PLXNC1: variants seen among roughly 807,000 people sequenced by gnomAD.
PLXNC1 encodes the protein plexin-C1.
A neutral mutation model predicts 178.2 loss-of-function variants in PLXNC1; 75 were observed. The ratio of observed to expected loss-of-function variants is 0.42; its 90% confidence interval spans 0.35 to 0.51. PLXNC1 has a LOEUF of 0.51. Among genes scored for constraint, PLXNC1 ranks in the 20% least tolerant of loss-of-function variants. PLXNC1 has a pLI of 0.02. For missense variants in PLXNC1, 1,503 were observed against 1,984.4 expected (o/e 0.76, Z 4.61); for synonymous variants, 790 against 779.9 (o/e 1.01, Z -0.22).
intron 11 of PLXNC1, among the ~76,000 whole-genome samples, chr12:94,242,255 A>G (rs1179431744): frequency 6.9e-6 from 1 of 145,762 alleles, no homozygotes; most frequent in East Asian, 2.0e-4. Context: ...TCTTCTCTCT[A>G]TGTCTTCACG....
chr12:94,288,698 A>T (rs1479092931), intron 23 of PLXNC1, among the ~76,000 whole-genome samples: 1 of 152,168 alleles, frequency 6.6e-6, no homozygotes, highest in Non-Finnish European at 1.5e-5. Flanking sequence ...GAGAAACAAG[A>T]TTTTGTTTTC....
intron 20 of PLXNC1, chr12:94,262,882 G>A: frequency 6.1e-6 from 4 of 656,754 alleles, no homozygotes; most frequent in Non-Finnish European, 7.6e-6. Flanking sequence ...TCCCCTTAAG[G>A]GTCCTGTGAG....
chr12:94,224,951 T>A (rs1468551463), intron 7 of PLXNC1, among the ~76,000 whole-genome samples: 2 of 152,266 alleles, frequency 1.3e-5, no homozygotes, highest in East Asian at 3.9e-4. Context: ...TGGAATGGCT[T>A]CGGGAATTTG....
chr12:94,276,131 A>G (rs899600446), intron 21 of PLXNC1, among the ~76,000 whole-genome samples: 3 of 152,208 alleles, frequency 2.0e-5, no homozygotes, highest in African/African-American at 4.8e-5. Context: ...GTTAAAGACA[A>G]TAGTGCCTTT....
intron 11 of PLXNC1, among the ~76,000 whole-genome samples, chr12:94,243,019 T>A (rs146581085): frequency 1.5e-4 from 23 of 152,390 alleles, no homozygotes; most frequent in African/African-American, 5.5e-4. Flanking sequence ...TCACTGTGCC[T>A]TGAGCAAGAA....
chr12:94,182,694 C>A (rs1025175859), intron 3 of PLXNC1, among the ~76,000 whole-genome samples: 2 of 150,894 alleles, frequency 1.3e-5, no homozygotes, highest in African/African-American at 4.9e-5. Flanking sequence ...CACTGCACCC[C>A]AGCCTGGGCA....
intron 28 of PLXNC1, among the ~76,000 whole-genome samples, 154 bp downstream of exon 28, chr12:94,301,211 CTG>C (rs1322281371): frequency 6.6e-5 from 10 of 152,210 alleles, no homozygotes; most frequent in Admixed American, 2.0e-4. Flanking sequence ...TATTTAAAAT[CTG>C]TCTCATTATT....
intron 1 of PLXNC1, 99 bp from the exon 2 acceptor site, chr12:94,169,054 C>T: frequency 9.1e-7 from 1 of 1,096,642 alleles, no homozygotes; most frequent in South Asian, 1.6e-5. Context: ...GAAGTGAGAT[C>T]CTGCCTAGGA....
At chr12:94,262,381 C>G (rs1475059764) in intron 20 of PLXNC1, 1 of 569,958 alleles carries the variant, frequency 1.8e-6, no homozygotes, top group Non-Finnish European at 2.2e-6. Flanking sequence ...CCCTTTCCAG[C>G]TCTTTCTACT....
Position 94,260,887 on chromosome 12 carries a change from G to C in PLXNC1, c.3450+47G>C, listed in dbSNP as rs1255527375. On this transcript the variant is annotated intron_variant, in intron 20 of 30. Transcript: ENST00000258526. The surrounding 1 kb of genome is among the most constrained non-coding windows in gnomAD (Gnocchi z 4.4). ...AATGTCAGAGGTAAGACAATAGGCA[G>C]TTATTTTTAGCGGACTCTGATGCCT... 6.5e-7 allele frequency: 1 copy of C among 1,530,870 alleles called. No individual in the cohort carries two copies. Among genetic ancestry groups the C allele is most frequent in the South Asian group, 1.1e-5 (1 of 88,236 alleles). The allele number at this position is 1,530,870 out of a possible 1,614,324, so 94.8% of individuals were successfully genotyped here. A position where few individuals can be genotyped will look rare whatever the true frequency, so the allele number is the denominator to read the frequency against.
At position 94,301,066 on chromosome 12, in the gene PLXNC1, C is replaced by G. The variant is rs1345758399; in HGVS notation, c.4386+9C>G. Reference sequence around the variant, plus strand: ...AGCAGCAACTAGGGAAGGTAAGGCCCAGCTTGAGTATTTCTTGTATGCAGT... The same window carrying G: ...AGCAGCAACTAGGGAAGGTAAGGCCGAGCTTGAGTATTTCTTGTATGCAGT... On this transcript the variant is annotated intron_variant, in intron 28 of 30. Transcript: ENST00000258526. The G allele has an allele frequency of 6.2e-7, 1 of 1,612,806 alleles. No homozygotes were observed. Among genetic ancestry groups the G allele is most frequent in the African/African-American group, 1.3e-5 (1 of 74,840 alleles).
chr12:94,255,221 G>A lies in PLXNC1; in HGVS notation c.3012G>A (p.Leu1004=). The change falls in exon 17 of 31, where the codon TTG becomes TTA. Residue 1004 remains leucine (L), a synonymous_variant. Coordinates refer to ENST00000258526, the MANE Select transcript of PLXNC1 (RefSeq NM_005761.3). ...TTGCTGAGCTGCAGATGGATAAATT[G>A]GATGTGGTTGATAGTTTTGGAACTG... ...DGFAELQMDK[L]DVVDSFGTVP... The A allele has an allele frequency of 6.2e-7, 1 of 1,614,020 alleles. No homozygotes were observed. Among genetic ancestry groups the A allele is most frequent in the Admixed American group, 1.7e-5 (1 of 60,028 alleles).
chr12:94,171,302 C>T (rs1373508401), intron 2 of PLXNC1, among the ~76,000 whole-genome samples: 1 of 152,184 alleles, frequency 6.6e-6, no homozygotes, highest in African/African-American at 2.4e-5. Flanking sequence ...ATTCAGAAGC[C>T]ACCTGTGTGG....
chr12:94,198,111 G>C (rs1399369633), intron 4 of PLXNC1, among the ~76,000 whole-genome samples: 1 of 152,124 alleles, frequency 6.6e-6, no homozygotes, highest in Non-Finnish European at 1.5e-5. Context: ...CATTAGCAAA[G>C]ACATGGAATC....
intron 9 of PLXNC1, 47 bp downstream of exon 9, chr12:94,227,282 T>C (rs2291333): frequency 0.1 from 110,888 of 1,088,988 alleles, 5,989 homozygotes; most frequent in Middle Eastern, 0.15. Context: ...TGTCTTTGAA[T>C]GACCATGACC....
chr12:94,299,106 A>G (rs1471514410), intron 27 of PLXNC1, among the ~76,000 whole-genome samples: 1 of 152,196 alleles, frequency 6.6e-6, no homozygotes, highest in Non-Finnish European at 1.5e-5. Context: ...GTGGTTTTAT[A>G]TCATTTTTGC....
intron 1 of PLXNC1, among the ~76,000 whole-genome samples, chr12:94,155,326 T>C (rs1217008700): frequency 2.0e-5 from 3 of 152,172 alleles, no homozygotes; most frequent in Admixed American, 6.5e-5. Flanking sequence ...GAAATGCACA[T>C]TCTTGGACCC....
intron 5 of PLXNC1, among the ~76,000 whole-genome samples, chr12:94,217,194 C>T (rs1056578103): frequency 6.6e-6 from 1 of 152,184 alleles, no homozygotes; most frequent in Non-Finnish European, 1.5e-5. Flanking sequence ...TGGCTGTTAG[C>T]CAGCATTCTT....
chr12:94,274,056 C>A (rs1592863604), intron 21 of PLXNC1, among the ~76,000 whole-genome samples: 1 of 148,302 alleles, frequency 6.7e-6, no homozygotes, highest in East Asian at 2.0e-4. Flanking sequence ...TGTGGTGGCT[C>A]ACACCTGTAA....
Sources: gnomAD v4.1 joint callset for allele counts (sites outside exome capture counted in the v4.1 genomes callset) on GRCh38, gnomAD v4.1.1 for gene constraint, Gnocchi (gnomAD v3.1) non-coding constraint, MANE v1.5 for transcripts, NCBI Gene and HGNC (gene_info 2026-07-23, HGNC 2026-07-21) for gene names.